TMEM61: variants seen among roughly 807,000 people sequenced by gnomAD.
The protein encoded by TMEM61 is transmembrane protein 61.
In TMEM61, 13 loss-of-function variants were observed where a neutral mutation model predicts 12.0. The observed-to-expected ratio is 1.08, with a 90% CI of 0.70 to 1.72. The LOEUF (loss-of-function observed/expected upper bound fraction) is 1.72. Ranked by LOEUF, TMEM61 falls within the 40% of genes most tolerant of loss-of-function variation. TMEM61 has a pLI of 0.00. For synonymous variants in TMEM61, 109 were observed against 121.4 expected, an observed-to-expected ratio of 0.90 and a Z score of 0.67; for missense variants, 249 against 276.9, an observed-to-expected ratio of 0.90 and a Z score of 0.71.
At position 54,986,458 on chromosome 1, in the gene TMEM61, G is replaced by A. The variant is rs371111022; in HGVS notation, c.365+12G>A. The A allele has an allele frequency of 3.7e-5, 57 of 1,536,224 alleles. No individual in the cohort carries two copies. The highest frequency in any genetic ancestry group is 1.1e-4 in the African/African-American group (8 of 73,488). On this transcript the variant is annotated intron_variant, in intron 2 of 2. Transcript: ENST00000371268. Reference sequence around the variant, plus strand: ...AAGGAGAGCTGCAGGTCAGCAGGGCGGGGTGTGGCAGCGGGTGGGGACTGC... The same window carrying A: ...AAGGAGAGCTGCAGGTCAGCAGGGCAGGGTGTGGCAGCGGGTGGGGACTGC...
intron 2 of TMEM61, among the ~76,000 whole-genome samples, chr1:54,987,796 G>A (rs1644270369): frequency 6.6e-6 from 1 of 152,202 alleles, no homozygotes; most frequent in African/African-American, 2.4e-5. Flanking sequence ...CCTAAGCCCT[G>A]GATCCCTGTG....
chr1:54,982,551 G>A (rs997364754), intron 1 of TMEM61, among the ~76,000 whole-genome samples: 4 of 152,098 alleles, frequency 2.6e-5, no homozygotes, highest in African/African-American at 4.8e-5. Context: ...TGGAAGGAGC[G>A]AGACCCACAC....
chr1:54,984,068 A>G (rs1384684478), intron 1 of TMEM61, among the ~76,000 whole-genome samples: 1 of 152,168 alleles, frequency 6.6e-6, no homozygotes, highest in Non-Finnish European at 1.5e-5. Context: ...ACACACACAC[A>G]CACGTGTGTT....
At chr1:54,990,594 G>C (rs891135610) in intron 2 of TMEM61, among the ~76,000 whole-genome samples, 1 of 152,120 alleles carries the variant, frequency 6.6e-6, no homozygotes, top group African/African-American at 2.4e-5. Flanking sequence ...CACAGGTATG[G>C]AATCAACTGC....
In TMEM61 at chr1:54,992,011, A is replaced by T. The variant is rs991412795; in HGVS notation, c.541A>T (p.Ser181Cys). 29 of 1,614,018 alleles carry T rather than the reference A, an allele frequency of 1.8e-5. No homozygotes were observed. The highest frequency in any genetic ancestry group is 2.3e-5 in the Non-Finnish European group (27 of 1,180,038). The change falls in exon 3 of 3, where the codon AGC becomes TGC. Residue 181 changes from serine to cysteine, a missense_variant. Transcript: ENST00000371268. Reference sequence around the variant, plus strand: ...GCCTCCACCCAGCTATGAGAGCATCAGCCTTGCTCTTGATGCCGTTTCTGC... The same window carrying T: ...GCCTCCACCCAGCTATGAGAGCATCTGCCTTGCTCTTGATGCCGTTTCTGC... ...AWPPPSYESI[S>C]LALDAVSAET...
At chr1:54,991,088 G>T (rs1384189124) in intron 2 of TMEM61, among the ~76,000 whole-genome samples, 1 of 152,204 alleles carries the variant, frequency 6.6e-6, no homozygotes, top group Non-Finnish European at 1.5e-5. Flanking sequence ...GAGATGACCC[G>T]CCAGGGCTCT....
At chr1:54,984,759 G>T (rs1644246876) in intron 1 of TMEM61, among the ~76,000 whole-genome samples, 1 of 152,190 alleles carries the variant, frequency 6.6e-6, no homozygotes, top group South Asian at 2.1e-4. Flanking sequence ...GCACTTAGGG[G>T]TTTAAAGTTA....
chr1:54,981,076 C>G lies in TMEM61; in HGVS notation c.11C>G (p.Pro4Arg). The stretch of plus-strand genomic sequence containing the variant: ...GCTGCCCGCCTCCCGATGGCCCTGC[C>G]CCAGGTGGGTGGAAACGGCCTTCTC... MAL[P>R]QMCDGSHLAS... The change falls in exon 1 of 3, where the codon CCC becomes CGC. Residue 4 changes from proline (P) to arginine (R), a missense_variant. Coordinates refer to ENST00000371268, the MANE Select transcript of TMEM61 (RefSeq NM_182532.3). 6.3e-7 allele frequency: 1 copy of G among 1,588,286 alleles called. No homozygotes were observed. Among genetic ancestry groups the G allele is most frequent in the South Asian group, 1.2e-5 (1 of 86,914 alleles).
At position 54,986,324 on chromosome 1, in the gene TMEM61, G is replaced by T; in HGVS notation, c.243G>T (p.Leu81=). The change falls in exon 2 of 3, where the codon CTG becomes CTT. Residue 81 remains leucine, a synonymous_variant. Coordinates refer to ENST00000371268, the MANE Select transcript of TMEM61 (RefSeq NM_182532.3). ...FVCCGAGGLL[L]LIGLLWSVKA... is the part of the protein sequence containing the mutation. ...GCTGCGGTGCAGGTGGCCTGCTGCT[G>T]CTCATTGGCCTGCTGTGGTCCGTCA... The T allele has an allele frequency of 6.2e-7, 1 of 1,614,046 alleles. No homozygotes were observed. The highest frequency in any genetic ancestry group is 8.5e-7 in the Non-Finnish European group (1 of 1,180,034).
Position 54,981,124 on chromosome 1 carries a change from C to G in TMEM61, c.15+44C>G, listed in dbSNP as rs778132390. 8 of 1,568,430 alleles carry G rather than the reference C, an allele frequency of 5.1e-6. No homozygotes were observed. In the African/African-American group the frequency reaches 5.4e-5, roughly 11 times the overall value. On this transcript the variant is annotated intron_variant, in intron 1 of 2. Coordinates refer to ENST00000371268, the MANE Select transcript of TMEM61 (RefSeq NM_182532.3). ...CTCCCTCCTTTACGGGCACTCAGCC[C>G]CTTCTGTCGTCGACCTTGCCCCGAC...
chr1:54,990,342 T>C (rs1254771972), intron 2 of TMEM61, among the ~76,000 whole-genome samples: 1 of 152,138 alleles, frequency 6.6e-6, no homozygotes, highest in African/African-American at 2.4e-5. Flanking sequence ...TCCGTCACCC[T>C]GGTCTGTGAT....
intron 2 of TMEM61, among the ~76,000 whole-genome samples, chr1:54,987,405 C>T (rs2101635912): frequency 6.6e-6 from 1 of 152,260 alleles, no homozygotes; most frequent in African/African-American, 2.4e-5. Flanking sequence ...CCCCACCCTG[C>T]CTTGTGCCAT....
At position 54,992,168 on chromosome 1, in the gene TMEM61, T is replaced by C. The variant is rs535625640; in HGVS notation, c.*65T>C. The stretch of plus-strand genomic sequence containing the variant: ...GTGCCTTCTCCAGAGTCTTATGCAG[T>C]GCCTGGGACACAGTAGGCACTCAGC... On this transcript the variant is annotated 3_prime_UTR_variant, in exon 3 of 3. Transcript: ENST00000371268. 1.7e-5 allele frequency: 27 copies of C among 1,551,826 alleles called. No individual in the cohort carries two copies. In the East Asian group the frequency reaches 5.6e-4, roughly 32 times the overall value.
At chr1:54,987,781 T>C (rs1177710451) in intron 2 of TMEM61, among the ~76,000 whole-genome samples, 15 of 152,224 alleles carry the variant, frequency 9.9e-5, no homozygotes, top group Admixed American at 6.5e-4. Context: ...TCCTCCCACG[T>C]CAGTCCTAAG....
intron 1 of TMEM61, among the ~76,000 whole-genome samples, chr1:54,983,866 A>G (rs556290707): frequency 1.1e-4 from 17 of 152,184 alleles, no homozygotes; most frequent in African/African-American, 3.6e-4. Context: ...TGCTCCCTAC[A>G]TGAAAAGGCT....
rs1251386719 is a variant in TMEM61 at position 54,986,338 on chromosome 1, T to C, written c.257T>C (p.Leu86Pro). 6.2e-7 allele frequency: 1 copy of C among 1,614,072 alleles called. No individual in the cohort carries two copies. Among genetic ancestry groups the C allele is most frequent in the Non-Finnish European group, 8.5e-7 (1 of 1,180,016 alleles). Residue 86 changes from leucine to proline, a missense_variant, in exon 2 of 3, where the codon CTG becomes CCG. Leu to Pro is a moderately conservative substitution (Grantham distance 98, BLOSUM62 -3). Transcript: ENST00000371268. Reference protein sequence around the residue: ...AGGLLLLIGLLWSVKASIPGP... With the variant: ...AGGLLLLIGLPWSVKASIPGP... ...GGCCTGCTGCTGCTCATTGGCCTGC[T>C]GTGGTCCGTCAAGGCCAGCATCCCA...
chr1:54,981,437 A>AT (rs1303067923), intron 1 of TMEM61, among the ~76,000 whole-genome samples: 3 of 152,036 alleles, frequency 2.0e-5, no homozygotes, highest in Non-Finnish European at 4.4e-5. Context: ...GGGCAACATG[A>AT]TGAAACCCTG....
rs1644211414 is a variant in TMEM61, at chr1:54,980,639, C to G, written c.-427C>G. ...GCGGGCTGGGCGACAGCGCTGGACACCTGGAGCTGCCCGAGGACGCGGAGG... is the reference window on the plus strand; with the variant it reads ...GCGGGCTGGGCGACAGCGCTGGACAGCTGGAGCTGCCCGAGGACGCGGAGG... On this transcript the variant is annotated 5_prime_UTR_variant, in exon 1 of 3. Transcript: ENST00000371268. 6.6e-6 allele frequency among the ~76,000 whole-genome samples: 1 copy of G among 152,112 alleles called. No individual in the cohort carries two copies. The highest frequency in any genetic ancestry group is 2.4e-5 in the African/African-American group (1 of 41,446).
chr1:54,981,391 G>T (rs942173776), intron 1 of TMEM61, among the ~76,000 whole-genome samples: 1 of 152,230 alleles, frequency 6.6e-6, no homozygotes, highest in Non-Finnish European at 1.5e-5. Context: ...GCCGAGGCGG[G>T]CTGATAACTT....
Sources: allele counts gnomAD v4.1 joint callset (sites outside exome capture counted in the v4.1 genomes callset), GRCh38; gene constraint gnomAD v4.1.1; transcripts MANE v1.5; gene names NCBI Gene and HGNC (gene_info 2026-07-23, HGNC 2026-07-21).